The following ITGB6 variants were observed in gnomAD, a reference collection of about 807,000 sequenced individuals.
ITGB6 encodes the protein integrin beta-6.
A neutral mutation model predicts 84.5 loss-of-function variants in ITGB6; 80 were observed. That is an observed-to-expected ratio of 0.95 (90% CI 0.79 to 1.14). The LOEUF (loss-of-function observed/expected upper bound fraction) is 1.14. Among genes scored for constraint, ITGB6 ranks in the 50% most tolerant of loss-of-function variants. The pLI, the probability that ITGB6 is intolerant of heterozygous loss-of-function variation, is 0.00. For missense variants in ITGB6, 1,006 were observed against 968.0 expected (o/e 1.04, Z -0.52); for synonymous variants, 383 against 354.9 (o/e 1.08, Z -0.89).
chr2:160,164,613 T>C (rs1034750939), intron 7 of ITGB6, among the ~76,000 whole-genome samples: 1 of 152,036 alleles, frequency 6.6e-6, no homozygotes, highest in Non-Finnish European at 1.5e-5. Flanking sequence ...CAAGAATCAC[T>C]TGAACCTGGG....
chr2:160,199,859 G>A, intron 1 of ITGB6, 144 bp downstream of exon 1: 1 of 648,512 alleles, frequency 1.5e-6, no homozygotes, highest in Non-Finnish European at 2.7e-6. Context: ...GTGTTTGTCT[G>A]TAATTTGTTA....
intron 7 of ITGB6, among the ~76,000 whole-genome samples, chr2:160,146,807 A>T (rs578109783): frequency 1.3e-5 from 2 of 152,300 alleles, no homozygotes; most frequent in South Asian, 4.1e-4. Flanking sequence ...AAAAATCAAG[A>T]AATAGAATAT....
intron 2 of ITGB6, 36 bp downstream of exon 2, chr2:160,199,143 C>A (rs1363888757): frequency 6.6e-7 from 1 of 1,517,320 alleles, no homozygotes; most frequent in South Asian, 1.1e-5. Flanking sequence ...TAACTGCAGA[C>A]AGGTTTTAAA....
chr2:160,162,468 T>C (rs767708500), intron 7 of ITGB6, among the ~76,000 whole-genome samples: 1 of 152,106 alleles, frequency 6.6e-6, no homozygotes, highest in Non-Finnish European at 1.5e-5. Context: ...GTTACCTCTG[T>C]AGAAGGACAG....
At position 160,112,052 on chromosome 2, in the gene ITGB6, C is replaced by T. The variant is rs201707070; in HGVS notation, c.2101+28G>A. Reference sequence around the variant, plus strand: ...TCTTCTCCTGTGTAGTATCATTTGCCATCGGCAATGGAAGGCAAAACACCC... The same window carrying T: ...TCTTCTCCTGTGTAGTATCATTTGCTATCGGCAATGGAAGGCAAAACACCC... On this transcript the variant is annotated intron_variant, in intron 13 of 14. Transcript: ENST00000283249. 4.3e-5 allele frequency: 69 copies of T among 1,609,510 alleles called. No individual in the cohort carries two copies. The East Asian group carries it at 1.5e-3, about 34-fold the overall frequency.
At position 160,199,249 on chromosome 2, in the gene ITGB6, G is replaced by T. The variant is rs753809581; in HGVS notation, c.71C>A (p.Ala24Asp). 1 of 1,613,820 alleles carries T rather than the reference G, an allele frequency of 6.2e-7. No individual in the cohort carries two copies. Among genetic ancestry groups the T allele is most frequent in the South Asian group, 1.1e-5 (1 of 91,070 alleles). ...TTCACAGGTTTCTGCACCTCCCAGG[G>T]CACAGCCACCTAGGTTTAGACCCAG... ...GRNDHVQGGC[A>D]LGGAETCEDC... The change falls in exon 2 of 15, where the codon GCC becomes GAC. Residue 24 changes from alanine to aspartate, a missense_variant. Ala to Asp is a moderately radical substitution (Grantham distance 126). Coordinates refer to ENST00000283249, the MANE Select transcript of ITGB6 (RefSeq NM_000888.5).
intron 7 of ITGB6, among the ~76,000 whole-genome samples, chr2:160,166,221 G>A (rs532687503): frequency 2.0e-5 from 3 of 152,158 alleles, no homozygotes; most frequent in East Asian, 1.9e-4. Context: ...ATTAATCAGT[G>A]GTCATAGAAG....
intron 2 of ITGB6, among the ~76,000 whole-genome samples, chr2:160,197,902 G>A (rs187471520): frequency 6.6e-6 from 1 of 152,172 alleles, no homozygotes; most frequent in Admixed American, 6.5e-5. Context: ...CAACTGCCTC[G>A]ACTGGCATCC....
chr2:160,122,357 T>C (rs1454778608), intron 12 of ITGB6, among the ~76,000 whole-genome samples: 3 of 152,260 alleles, frequency 2.0e-5, no homozygotes, highest in African/African-American at 7.2e-5. Flanking sequence ...CATGCCATTA[T>C]GATTTGCATG....
chr2:160,161,897 G>A (rs1684831145), intron 7 of ITGB6, among the ~76,000 whole-genome samples: 1 of 152,184 alleles, frequency 6.6e-6, no homozygotes, highest in South Asian at 2.1e-4. Context: ...TCTCAATAGA[G>A]CATATGTGTG....
chr2:160,192,411 T>C (rs1235722715), intron 4 of ITGB6, among the ~76,000 whole-genome samples: 1 of 152,170 alleles, frequency 6.6e-6, no homozygotes, highest in African/African-American at 2.4e-5. Context: ...AACAACTAGA[T>C]ATCTCTGTGG....
chr2:160,155,735 C>T (rs1440433678), intron 7 of ITGB6, among the ~76,000 whole-genome samples: 1 of 152,192 alleles, frequency 6.6e-6, no homozygotes, highest in Non-Finnish European at 1.5e-5. Flanking sequence ...TAACCAAGGA[C>T]ATGGTGCCAG....
chr2:160,175,622 C>T (rs1265120010), intron 4 of ITGB6, among the ~76,000 whole-genome samples: 2 of 152,124 alleles, frequency 1.3e-5, no homozygotes, highest in Admixed American at 6.6e-5. Context: ...TTTAGTGTTC[C>T]TAAGTGCAAG....
intron 13 of ITGB6, among the ~76,000 whole-genome samples, chr2:160,111,772 G>T (rs1466635393): frequency 1.3e-5 from 2 of 151,948 alleles, no homozygotes; most frequent in Non-Finnish European, 2.9e-5. Context: ...TAGAGACAGG[G>T]TTTCACCATG....
chr2:160,117,525 T>G (rs1279698085), intron 12 of ITGB6, among the ~76,000 whole-genome samples: 2 of 149,238 alleles, frequency 1.3e-5, no homozygotes, highest in Admixed American at 6.7e-5. Context: ...GTGTGCAGAG[T>G]GAAATTTATA....
intron 4 of ITGB6, among the ~76,000 whole-genome samples, chr2:160,174,512 G>A (rs1162122356): frequency 2.6e-5 from 4 of 152,092 alleles, no homozygotes; most frequent in Non-Finnish European, 5.9e-5. Flanking sequence ...GATATCTCAG[G>A]CTGTCATCAA....
intron 4 of ITGB6, among the ~76,000 whole-genome samples, chr2:160,175,969 G>T (rs1370041375): frequency 6.6e-6 from 1 of 152,132 alleles, no homozygotes; most frequent in Non-Finnish European, 1.5e-5. Context: ...AATGATCATG[G>T]ACTCTTTCAC....
chr2:160,114,777 C>T (rs1474800665), intron 12 of ITGB6, among the ~76,000 whole-genome samples: 1 of 152,192 alleles, frequency 6.6e-6, no homozygotes, highest in Non-Finnish European at 1.5e-5. Flanking sequence ...ACAGACGGCA[C>T]CTGGAAAATC....
At chr2:160,160,547 T>G (rs1684777190) in intron 7 of ITGB6, among the ~76,000 whole-genome samples, 1 of 152,220 alleles carries the variant, frequency 6.6e-6, no homozygotes, top group Non-Finnish European at 1.5e-5. Flanking sequence ...ATGTTATCAT[T>G]AATACTAGTC....
Sources: allele counts gnomAD v4.1 joint callset (sites outside exome capture counted in the v4.1 genomes callset), GRCh38; gene constraint gnomAD v4.1.1; transcripts MANE v1.5; gene names NCBI Gene and HGNC (gene_info 2026-07-23, HGNC 2026-07-21).